The following SLC41A3 variants were observed in gnomAD, a reference collection of about 807,000 sequenced individuals.
The protein encoded by SLC41A3 is solute carrier family 41 member 3.
A neutral mutation model predicts 45.4 loss-of-function variants in SLC41A3; 44 were observed. The ratio of observed to expected loss-of-function variants is 0.97; its 90% CI spans 0.76 to 1.25. SLC41A3 has a LOEUF of 1.25. Among genes scored for constraint, SLC41A3 ranks in the 50% most tolerant of loss-of-function variants. The pLI is 0.00. For synonymous variants in SLC41A3, 256 were observed against 252.4 expected (o/e 1.01, Z -0.13); for missense variants, 550 against 600.6 (o/e 0.92, Z 0.88).
At chr3:126,081,360 CA>C (rs1194268954) in intron 1 of SLC41A3, among the ~76,000 whole-genome samples, 8 of 151,832 alleles carry the variant, frequency 5.3e-5, no homozygotes, top group Non-Finnish European at 1.2e-4. Flanking sequence ...TGTGGCGGGA[CA>C]GGGGGAAAAA....
chr3:126,076,904 C>T (rs552225786), intron 1 of SLC41A3, among the ~76,000 whole-genome samples: 13 of 152,224 alleles, frequency 8.5e-5, no homozygotes, highest in African/African-American at 2.6e-4. Context: ...GCCATGCTGC[C>T]GAATCTATTT....
chr3:126,057,272 T>C (rs1640392598), intron 2 of SLC41A3: 2 of 557,500 alleles, frequency 3.6e-6, no homozygotes, highest in East Asian at 1.5e-4. Flanking sequence ...TCTCCCTCCA[T>C]GGCCTGGAAG....
At chr3:126,011,806 G>A (rs912588586) in intron 9 of SLC41A3, among the ~76,000 whole-genome samples, 2 of 152,184 alleles carry the variant, frequency 1.3e-5, no homozygotes, top group Non-Finnish European at 1.5e-5. Flanking sequence ...TATTGACACC[G>A]AATTTTACAA....
At chr3:126,047,419 A>G (rs12639251) in intron 3 of SLC41A3, among the ~76,000 whole-genome samples, 22,241 of 152,278 alleles carry the variant, frequency 0.15, 2,073 homozygotes, top group Middle Eastern at 0.22. Flanking sequence ...ATACATTTAT[A>G]GATTCCTATG....
rs1453934977 is a variant in SLC41A3, at chr3:126,006,519, G to A, written c.*497C>T. ...TATGAGGCCCCATCCTGGGGAGGCT[G>A]TACACCTTCTTGGCACAGCAGCAGT... On this transcript the variant is annotated 3_prime_UTR_variant, in exon 11 of 11. Transcript: ENST00000360370. 4.1e-5 allele frequency: 66 copies of A among 1,613,206 alleles called. No individual in the cohort carries two copies. The highest frequency in any genetic ancestry group is 5.6e-5 in the Non-Finnish European group (66 of 1,179,906).
At position 126,096,381 on chromosome 3, in the gene SLC41A3, GC is replaced by G. The variant is rs75940914; in HGVS notation, c.-79+5047del. 4.3e-3 allele frequency among the ~76,000 whole-genome samples: 649 copies of G among 151,810 alleles called. 7 individuals carry two copies. The highest frequency in any genetic ancestry group is 7.4e-3 in the Non-Finnish European group (503 of 67,952). On this transcript the variant is annotated intron_variant, in intron 1 of 9. Coordinates refer to the SLC41A3 transcript ENST00000508835. ...AAAAAAGGGGGACATGTTGGGAACA[GC>G]CCCCCCACCCCAAAAAAAAACATGG...
intron 1 of SLC41A3, among the ~76,000 whole-genome samples, chr3:126,095,757 G>A (rs1318553060): frequency 6.6e-6 from 1 of 152,196 alleles, no homozygotes; most frequent in African/African-American, 2.4e-5. Flanking sequence ...GCTGCACAAC[G>A]ATTCCTATGG....
At position 126,062,151 on chromosome 3, in the gene SLC41A3, A is replaced by G. The variant is rs1045138781; in HGVS notation, c.273+5796T>C. On this transcript the variant is annotated intron_variant, in intron 2 of 10. Coordinates refer to ENST00000360370, the MANE Select transcript of SLC41A3 (RefSeq NM_017836.4). ...TCCTGCTTCTCCTTTACACAGGCCA[A>G]TATGGCTCATTCCTAAACCTGGGGA... Among the ~76,000 whole-genome samples the G allele has an allele frequency of 9.2e-5, 14 of 152,208 alleles. No individual in the cohort carries two copies. In the East Asian group the frequency reaches 2.7e-3, roughly 29 times the overall value.
At position 126,067,959 on chromosome 3, in the gene SLC41A3, C is replaced by T. The variant is rs148160916; in HGVS notation, c.261G>A (p.Leu87=). The stretch of plus-strand genomic sequence containing the variant: ...AGTTCCCTCTTACCTGGAAATAGTC[C>T]AGAAGCATGCCGGCCCAGGACAGTC... ...GLGLSWAGML[L]DYFQHWPVFV... Residue 87 remains leucine, a synonymous_variant, in exon 2 of 11, where the codon CTG becomes CTA. Transcript: ENST00000360370. 1.2e-6 allele frequency: 2 copies of T among 1,604,136 alleles called. No individual in the cohort carries two copies. The highest frequency in any genetic ancestry group is 1.7e-5 in the Admixed American group (1 of 58,158).
chr3:126,029,261 G>T (rs145784250), intron 4 of SLC41A3, among the ~76,000 whole-genome samples: 1 of 152,336 alleles, frequency 6.6e-6, no homozygotes, highest in East Asian at 1.9e-4. Flanking sequence ...AGCCAGGTGG[G>T]AGGTGACTGG....
In SLC41A3 at chr3:126,026,377, C is replaced by A. The variant is rs900668639; in HGVS notation, c.556G>T (p.Ala186Ser). The A allele has an allele frequency of 5.7e-6, 9 of 1,577,348 alleles. No individual in the cohort carries two copies. Among genetic ancestry groups the A allele is most frequent in the Non-Finnish European group, 7.8e-6 (9 of 1,160,482 alleles). ...VDVAKVELLC[A>S]SSVLTAFLAA... ...AGGAAGGCAGTGAGGACACTGCTGG[C>A]ACACAGCAACTCCACCTTGGCGACA... The change falls in exon 5 of 11, where the codon GCC becomes TCC. Residue 186 changes from alanine to serine, a missense_variant. Ala to Ser is a moderately conservative substitution (Grantham distance 99). Transcript: ENST00000360370. This position sits in a 1 kb window ranked among gnomAD's most constrained non-coding sequence, Gnocchi z 4.2.
intron 1 of SLC41A3, among the ~76,000 whole-genome samples, chr3:126,090,016 GGT>G (rs1225776047): frequency 2.2e-5 from 3 of 137,968 alleles, no homozygotes; most frequent in African/African-American, 8.2e-5. Context: ...AGTTAAAGAA[GGT>G]CAAGAAAATC....
chr3:126,023,900 A>G (rs1466045429), intron 5 of SLC41A3: 1 of 152,216 alleles, frequency 6.6e-6, no homozygotes, highest in African/African-American at 2.4e-5. Context: ...TCTAAAAATA[A>G]TTACAATCAC....
At chr3:126,101,355 C>T (rs890306827) in intron 1 of SLC41A3, 6 of 152,212 alleles carry the variant, frequency 3.9e-5, no homozygotes, top group African/African-American at 1.4e-4. Flanking sequence ...AGGTAAAATG[C>T]AGAGGTTATA....
At chr3:126,052,021 C>T (rs927577738) in intron 2 of SLC41A3, among the ~76,000 whole-genome samples, 3 of 152,134 alleles carry the variant, frequency 2.0e-5, no homozygotes, top group African/African-American at 7.2e-5. Flanking sequence ...AGAGATCAGA[C>T]CAGAGGCCCT....
At chr3:126,011,990 G>T (rs919161093) in intron 9 of SLC41A3, among the ~76,000 whole-genome samples, 1 of 152,200 alleles carries the variant, frequency 6.6e-6, no homozygotes, top group Non-Finnish European at 1.5e-5. Flanking sequence ...TAGAATCCAG[G>T]TTCCTTCCTC....
chr3:126,092,075 C>T (rs1400671892), intron 1 of SLC41A3, among the ~76,000 whole-genome samples: 1 of 152,218 alleles, frequency 6.6e-6, no homozygotes, highest in East Asian at 1.9e-4. Flanking sequence ...GAGTTACTGG[C>T]AGCAAATTTA....
At chr3:126,098,791 C>G (rs1945651773) in intron 1 of SLC41A3, among the ~76,000 whole-genome samples, 1 of 152,246 alleles carries the variant, frequency 6.6e-6, no homozygotes, top group Non-Finnish European at 1.5e-5. Flanking sequence ...GTGCCAGCAG[C>G]CTTAGTCCAG....
intron 3 of SLC41A3, among the ~76,000 whole-genome samples, chr3:126,040,761 CCTCCAATCTTTAGA>C (rs1942536704): frequency 6.6e-6 from 1 of 152,114 alleles, no homozygotes; most frequent in Non-Finnish European, 1.5e-5. Flanking sequence ...GAGTGCCCTC[CCTCCAATCTTTAGA>C]TTGGAGCCTC....
Sources: gnomAD v4.1 joint callset for allele counts (sites outside exome capture counted in the v4.1 genomes callset) on GRCh38, gnomAD v4.1.1 for gene constraint, Gnocchi (gnomAD v3.1) non-coding constraint, MANE v1.5 for transcripts, NCBI Gene and HGNC (gene_info 2026-07-23, HGNC 2026-07-21) for gene names.